Variants in CTXN3 observed in about 807,000 individuals in gnomAD.
CTXN3 encodes the protein cortexin 3, also known as cortexin-3.
A neutral mutation model predicts 5.0 loss-of-function variants in CTXN3; 4 were observed. The ratio of observed to expected loss-of-function variants is 0.79; its 90% CI spans 0.39 to 1.82. The LOEUF (loss-of-function observed/expected upper bound fraction) is 1.82, where lower values mean the gene tolerates loss of function less well. Ranked by LOEUF, CTXN3 falls within the 40% of genes most tolerant of loss-of-function variation. The probability of loss-of-function intolerance (pLI) is 0.04; values close to 1 mark genes in which losing one functional copy is unlikely to be tolerated. For synonymous variants in CTXN3, 48 were observed against 38.6 expected, an observed-to-expected ratio of 1.24 and a Z score of -0.91; for missense variants, 89 against 99.7, an observed-to-expected ratio of 0.89 and a Z score of 0.46.
In CTXN3 at chr5:127,657,658, T is replaced by C. The variant is rs1749944528; in HGVS notation, c.137T>C (p.Val46Ala). 6 of 1,614,230 alleles carry C rather than the reference T, an allele frequency of 3.7e-6. No individual in the cohort carries two copies. The highest frequency in any genetic ancestry group is 4.2e-6 in the Non-Finnish European group (5 of 1,180,024). Residue 46 changes from valine (V) to alanine (A), a missense_variant, in exon 3 of 3, where the codon GTC (valine) becomes GCC (alanine). By Grantham distance (64) the Val-to-Ala change is moderately conservative. Coordinates refer to ENST00000379445, the MANE Select transcript of CTXN3 (RefSeq NM_001048252.3). ...LLFIFLGILI[V>A]RCFRILLDPY... ...TTTATTTTCTTGGGCATTCTCATTG[T>C]CCGGTGCTTCCGGATTCTTTTGGAT...
intron 2 of CTXN3, among the ~76,000 whole-genome samples, chr5:127,654,840 G>T (rs1239760592): frequency 1.3e-5 from 2 of 152,086 alleles, no homozygotes; most frequent in East Asian, 1.9e-4. Context: ...GACTCAAAAG[G>T]TTCTCTATCT....
chr5:127,652,252 C>T (rs1259186741), intron 1 of CTXN3: 2 of 152,186 alleles, frequency 1.3e-5, no homozygotes, highest in Non-Finnish European at 2.9e-5. Flanking sequence ...ACAAGACTTA[C>T]TTCAAATGTG....
At chr5:127,656,399 A>G (rs186629709) in intron 2 of CTXN3, among the ~76,000 whole-genome samples, 200 of 152,318 alleles carry the variant, frequency 1.3e-3, no homozygotes, top group African/African-American at 4.5e-3. Flanking sequence ...AAATTAAAAT[A>G]GTGTTAGCTT....
chr5:127,653,979 C>G (rs543854532), intron 2 of CTXN3, among the ~76,000 whole-genome samples: 1 of 152,204 alleles, frequency 6.6e-6, no homozygotes, highest in East Asian at 1.9e-4. Context: ...ACCACCATGC[C>G]TGTCTTCCTG....
chr5:127,654,655 T>C (rs1749864697), intron 2 of CTXN3, among the ~76,000 whole-genome samples: 1 of 152,146 alleles, frequency 6.6e-6, no homozygotes, highest in Non-Finnish European at 1.5e-5. Context: ...GTATGAGAGT[T>C]GATCCAGGAG....
chr5:127,651,454 T>C (rs532278641), intron 1 of CTXN3, among the ~76,000 whole-genome samples: 1 of 152,280 alleles, frequency 6.6e-6, no homozygotes, highest in South Asian at 2.1e-4. Context: ...AAACTAGGGA[T>C]CTACCATCAT....
intron 2 of CTXN3, among the ~76,000 whole-genome samples, chr5:127,657,104 G>T (rs1018617697): frequency 6.6e-6 from 1 of 152,186 alleles, no homozygotes; most frequent in South Asian, 2.1e-4. Context: ...AGGAGACTTG[G>T]CAGGGGAGGC....
intron 1 of CTXN3, among the ~76,000 whole-genome samples, chr5:127,652,607 T>TA (rs1749808586): frequency 6.7e-6 from 1 of 148,486 alleles, no homozygotes; most frequent in Admixed American, 6.8e-5. Flanking sequence ...GTGTGAACCC[T>TA]AAGGGAGGGA....
chr5:127,649,838 G>A (rs1275486662), intron 1 of CTXN3, among the ~76,000 whole-genome samples: 1 of 152,020 alleles, frequency 6.6e-6, no homozygotes, highest in Non-Finnish European at 1.5e-5. Flanking sequence ...GATAAGCTGT[G>A]TGCAGCACTA....
At chr5:127,650,212 G>T (rs945438177) in intron 1 of CTXN3, among the ~76,000 whole-genome samples, 1 of 152,170 alleles carries the variant, frequency 6.6e-6, no homozygotes. Flanking sequence ...CCCAGCCCAA[G>T]CAGACGTGTC....
At chr5:127,655,342 C>G (rs972097762) in intron 2 of CTXN3, among the ~76,000 whole-genome samples, 1 of 152,152 alleles carries the variant, frequency 6.6e-6, no homozygotes, top group South Asian at 2.1e-4. Context: ...GGACTCTGGC[C>G]TCATTTGGGC....
chr5:127,654,149 C>T (rs527629120), intron 2 of CTXN3, among the ~76,000 whole-genome samples: 16 of 152,284 alleles, frequency 1.1e-4, no homozygotes, highest in Admixed American at 5.2e-4. Context: ...TAGTAGGAGA[C>T]GTTGATACTT....
chr5:127,657,576 G>C lies in CTXN3; in HGVS notation c.55G>C (p.Ala19Pro), dbSNP rs1749941531. Residue 19 changes from alanine to proline, a missense_variant, in exon 3 of 3, where the codon GCA (alanine) becomes CCA (proline). Physicochemically the swap from Ala to Pro is conservative, Grantham distance 27 (BLOSUM62 -1). Transcript: ENST00000379445. ...CCTAGTGCCCCTTGGGAACGAATCAGCAGATTCTAGCATGTCCCTGGAGCA... is the reference window on the plus strand; with the variant it reads ...CCTAGTGCCCCTTGGGAACGAATCACCAGATTCTAGCATGTCCCTGGAGCA... ...SSLVPLGNES[A>P]DSSMSLEQKM... 2.5e-6 allele frequency: 4 copies of C among 1,614,118 alleles called. No individual in the cohort carries two copies. The East Asian group carries it at 8.9e-5, about 36-fold the overall frequency.
chr5:127,657,881 A>C lies in CTXN3; in HGVS notation c.*114A>C. ...AATTTAAACAATATTTGGTCCCAGG[A>C]CCATAATCCATTATTCCATAAATAT... On this transcript the variant is annotated 3_prime_UTR_variant, in exon 3 of 3. Coordinates refer to ENST00000379445, the MANE Select transcript of CTXN3 (RefSeq NM_001048252.3). 7.9e-7 allele frequency: 1 copy of C among 1,271,144 alleles called. No homozygotes were observed. Among genetic ancestry groups the C allele is most frequent in the South Asian group, 1.5e-5 (1 of 66,952 alleles). The allele number at this position is 1,271,144 out of a possible 1,614,324, so 78.7% of individuals were successfully genotyped here. A position where few individuals can be genotyped will look rare whatever the true frequency, so the allele number is the denominator to read the frequency against.
intron 2 of CTXN3, among the ~76,000 whole-genome samples, chr5:127,656,355 G>C (rs1049973545): frequency 6.6e-6 from 1 of 152,102 alleles, no homozygotes; most frequent in East Asian, 1.9e-4. Context: ...TATTTATACA[G>C]TAATATCTAC....
At chr5:127,651,832 A>G (rs920692942) in intron 1 of CTXN3, 12 of 152,162 alleles carry the variant, frequency 7.9e-5, no homozygotes, top group African/African-American at 1.4e-4. Context: ...CTTAAAAAAA[A>G]AAAAGAAAAG....
intron 2 of CTXN3, chr5:127,653,765 A>T (rs1749844414): frequency 6.6e-6 from 1 of 152,156 alleles, no homozygotes; most frequent in African/African-American, 2.4e-5. Flanking sequence ...GGAGCTTTCT[A>T]AATCGGTAAA....
chr5:127,655,801 A>G lies in CTXN3; in HGVS notation c.-99-1622A>G, dbSNP rs1047511743. ...ATCCCAATCTTACTTCCAAACAAAC[A>G]TGAATTATAAATGAGTTTTGCAACT... On this transcript the variant is annotated intron_variant, in intron 2 of 2. Coordinates refer to ENST00000379445, the MANE Select transcript of CTXN3 (RefSeq NM_001048252.3). 5.9e-5 allele frequency among the ~76,000 whole-genome samples: 9 copies of G among 152,330 alleles called. No individual in the cohort carries two copies. In the Middle Eastern group the frequency reaches 0.01, roughly 173 times the overall value.
chr5:127,654,736 C>G (rs1009778910), intron 2 of CTXN3, among the ~76,000 whole-genome samples: 5 of 152,086 alleles, frequency 3.3e-5, no homozygotes, highest in African/African-American at 1.2e-4. Flanking sequence ...CACAATGTTG[C>G]TCATCAAGTG....
Sources: gnomAD v4.1 joint callset for allele counts (sites outside exome capture counted in the v4.1 genomes callset) on GRCh38, gnomAD v4.1.1 for gene constraint, MANE v1.5 for transcripts, NCBI Gene and HGNC (gene_info 2026-07-23, HGNC 2026-07-21) for gene names.